SEMA5A: variants seen among roughly 807,000 people sequenced by gnomAD.
SEMA5A encodes the protein semaphorin-5A.
Under a neutral mutation model 135.5 loss-of-function variants are expected in SEMA5A, and 55 were observed. The observed-to-expected ratio is 0.41, with a 90% confidence interval of 0.33 to 0.51. The LOEUF is 0.51. Among genes scored for constraint, SEMA5A ranks in the 20% least tolerant of loss-of-function variants. SEMA5A has a pLI of 0.37. For synonymous variants in SEMA5A, 580 were observed against 546.5 expected, an observed-to-expected ratio of 1.06 and a Z score of -0.85; for missense variants, 1,290 against 1,419.9, an observed-to-expected ratio of 0.91 and a Z score of 1.47.
At chr5:9,184,393 T>G (rs1244981708) in intron 11 of SEMA5A, among the ~76,000 whole-genome samples, 2 of 152,196 alleles carry the variant, frequency 1.3e-5, no homozygotes, top group African/African-American at 4.8e-5. Context: ...GACTCAATTC[T>G]TCCTTTATTG....
chr5:9,474,281 T>TGA (rs1165630156), intron 1 of SEMA5A, among the ~76,000 whole-genome samples: 1 of 151,962 alleles, frequency 6.6e-6, no homozygotes, highest in African/African-American at 2.4e-5. Context: ...GGTGCAAATG[T>TGA]GATGTGTGGG....
At chr5:9,396,865 T>G (rs1395561066) in intron 2 of SEMA5A, among the ~76,000 whole-genome samples, 1 of 152,196 alleles carries the variant, frequency 6.6e-6, no homozygotes, top group Non-Finnish European at 1.5e-5. Context: ...GACCATCATG[T>G]CTGCCTCTGC....
At chr5:9,275,270 A>T (rs1465008343) in intron 5 of SEMA5A, among the ~76,000 whole-genome samples, 2 of 152,214 alleles carry the variant, frequency 1.3e-5, no homozygotes, top group African/African-American at 4.8e-5. Context: ...CACCCTCCCA[A>T]GACTAAACCA....
intron 8 of SEMA5A, among the ~76,000 whole-genome samples, chr5:9,203,427 C>T (rs1326087706): frequency 6.6e-6 from 1 of 151,978 alleles, no homozygotes; most frequent in Admixed American, 6.6e-5. Flanking sequence ...ACTGGCAGGA[C>T]AACTAAAAAT....
chr5:9,203,772 G>A (rs555140791), intron 8 of SEMA5A, among the ~76,000 whole-genome samples: 7 of 152,142 alleles, frequency 4.6e-5, no homozygotes, highest in Admixed American at 1.3e-4. Flanking sequence ...TTTATAAACC[G>A]TCCAACATAT....
At chr5:9,416,792 G>A (rs1330047353) in intron 2 of SEMA5A, among the ~76,000 whole-genome samples, 1 of 152,066 alleles carries the variant, frequency 6.6e-6, no homozygotes, top group Non-Finnish European at 1.5e-5. Flanking sequence ...CACAGTGAGG[G>A]GATACTACGG....
rs1735997286 is a variant in SEMA5A, at chr5:9,042,155, G to A, written c.*742C>T. ...TCCTGGAATGCCATGAAATCCAAAA[G>A]TCAGAATAAGGTGAGTTTTGCAGCA... On this transcript the variant is annotated 3_prime_UTR_variant, in exon 23 of 23. Coordinates refer to ENST00000382496, the MANE Select transcript of SEMA5A (RefSeq NM_003966.3). 6.6e-6 allele frequency: 1 copy of A among 152,300 alleles called. No individual in the cohort carries two copies. The highest frequency in any genetic ancestry group is 1.5e-5 in the Non-Finnish European group (1 of 68,068). 9.4% of individuals were successfully genotyped at this position (152,300 alleles called of 1,614,324 possible).
chr5:9,469,628 T>A (rs1561278860), intron 1 of SEMA5A, among the ~76,000 whole-genome samples: 1 of 152,180 alleles, frequency 6.6e-6, no homozygotes, highest in Non-Finnish European at 1.5e-5. Flanking sequence ...ATCTGTTCCA[T>A]CCCACTGGGA....
intron 9 of SEMA5A, among the ~76,000 whole-genome samples, chr5:9,197,778 GTGTGTGTTTT>G (rs1462394998): frequency 0.043 from 5,314 of 123,216 alleles, 331 homozygotes; most frequent in East Asian, 0.12. Flanking sequence ...GTGTGTGTGT[GTGTGTGTTTT>G]AACCCAGATA....
chr5:9,109,670 A>G (rs538414822), intron 15 of SEMA5A, among the ~76,000 whole-genome samples: 4 of 152,338 alleles, frequency 2.6e-5, no homozygotes, highest in Non-Finnish European at 4.4e-5. Context: ...TGTCATCAAT[A>G]TTAATAAAGG....
rs73043681 is a variant in SEMA5A at position 9,080,879 on chromosome 5, C to T, written c.2074-14233G>A. 9.0e-3 allele frequency among the ~76,000 whole-genome samples: 1,364 copies of T among 152,308 alleles called. 36 individuals are homozygous for T. Among genetic ancestry groups the T allele is most frequent in the African/African-American group, 0.031 (1,284 of 41,564 alleles). On this transcript the variant is annotated intron_variant, in intron 16 of 22. Transcript: ENST00000382496. ...TGGTGGGGAGAATTCTAAGAAACCC[C>T]GAGATTCCCACCACCTGGGTGTCAT...
chr5:9,462,538 C>A (rs1474114956), intron 1 of SEMA5A, among the ~76,000 whole-genome samples: 2 of 152,110 alleles, frequency 1.3e-5, no homozygotes, highest in East Asian at 3.9e-4. Flanking sequence ...ATGTTCATTG[C>A]AGCACTATTC....
At chr5:9,482,320 C>T (rs1003694173) in intron 1 of SEMA5A, among the ~76,000 whole-genome samples, 4 of 152,156 alleles carry the variant, frequency 2.6e-5, no homozygotes, top group Non-Finnish European at 4.4e-5. Context: ...GGTCTGAGAT[C>T]AGAGGAACTG....
At chr5:9,296,709 C>T (rs1486660994) in intron 5 of SEMA5A, among the ~76,000 whole-genome samples, 1 of 151,800 alleles carries the variant, frequency 6.6e-6, no homozygotes, top group East Asian at 1.9e-4. Flanking sequence ...AGAAAGCAGG[C>T]CGGTCAAAAA....
Position 9,202,169 on chromosome 5 carries a change from G to C in SEMA5A, c.718C>G (p.His240Asp). The C allele has an allele frequency of 6.2e-7, 1 of 1,614,128 alleles. No homozygotes were observed. The highest frequency in any genetic ancestry group is 8.5e-7 in the Non-Finnish European group (1 of 1,180,016). ...GAGAACACTGTTTTCCCACAGTCATGCTCTACTGCATTTTCTCGGAAAAAG... is the reference window on the plus strand; with the variant it reads ...GAGAACACTGTTTTCCCACAGTCATCCTCTACTGCATTTTCTCGGAAAAAG... ...YFFFRENAVE[H>D]DCGKTVFSRA... The change falls in exon 9 of 23, where the codon CAT becomes GAT. Residue 240 changes from histidine to aspartate, a missense_variant. Transcript: ENST00000382496.
In SEMA5A at chr5:9,380,042, A is replaced by C; in HGVS notation, c.-77-19T>G. On this transcript the variant is annotated intron_variant, in intron 2 of 22. Coordinates refer to ENST00000382496, the MANE Select transcript of SEMA5A (RefSeq NM_003966.3). ...AAAGTGCCTAAAACACACAAAAGAG[A>C]AGAATCAGATGACTGTGAGTTCGTT... 6.8e-7 allele frequency: 1 copy of C among 1,460,490 alleles called. No individual in the cohort carries two copies. The highest frequency in any genetic ancestry group is 2.3e-5 in the East Asian group (1 of 43,154). 90.5% of individuals were successfully genotyped at this position (1,460,490 alleles called of 1,614,324 possible). A position where few individuals can be genotyped will look rare whatever the true frequency, so the allele number is the denominator to read the frequency against.
At chr5:9,439,941 T>C (rs2126677185) in intron 1 of SEMA5A, among the ~76,000 whole-genome samples, 1 of 152,314 alleles carries the variant, frequency 6.6e-6, no homozygotes, top group East Asian at 1.9e-4. Context: ...CCCGAAAGGG[T>C]TGTTACTGTG....
chr5:9,471,085 A>C (rs1276984404), intron 1 of SEMA5A, among the ~76,000 whole-genome samples: 1 of 152,208 alleles, frequency 6.6e-6, no homozygotes. Flanking sequence ...GGACCCTCTG[A>C]GAACTGACTC....
intron 3 of SEMA5A, among the ~76,000 whole-genome samples, chr5:9,369,287 C>G (rs570532235): frequency 6.6e-6 from 1 of 152,090 alleles, no homozygotes; most frequent in African/African-American, 2.4e-5. Flanking sequence ...TATTCCCACA[C>G]AGTGTATGGC....
Sources: allele counts gnomAD v4.1 joint callset (sites outside exome capture counted in the v4.1 genomes callset), GRCh38; gene constraint gnomAD v4.1.1; transcripts MANE v1.5; gene names NCBI Gene and HGNC (gene_info 2026-07-23, HGNC 2026-07-21).